The following FGF14 variants were observed in gnomAD, a reference collection of about 807,000 sequenced individuals.
FGF14 encodes fibroblast growth factor 14.
FGF14 carries 5 observed loss-of-function variants against 25.5 expected under a neutral mutation model. The observed-to-expected ratio is 0.20, with a 90% CI of 0.10 to 0.41. The LOEUF (loss-of-function observed/expected upper bound fraction) is 0.41, where lower values mean the gene tolerates loss of function less well. FGF14 is among the 10% of genes least tolerant of loss of function. The pLI is 1.00. For missense variants in FGF14, 222 were observed against 320.1 expected, an observed-to-expected ratio of 0.69 and a Z score of 2.34; for synonymous variants, 138 against 118.3, an observed-to-expected ratio of 1.17 and a Z score of -1.08.
At chr13:101,826,020 T>C (rs572838517) in intron 3 of FGF14, among the ~76,000 whole-genome samples, 1 of 152,252 alleles carries the variant, frequency 6.6e-6, no homozygotes, top group South Asian at 2.1e-4. Flanking sequence ...GTAAGACACA[T>C]CCTGTTTACC....
chr13:101,946,935 GA>G (rs1336498254), intron 1 of FGF14, among the ~76,000 whole-genome samples: 1 of 152,152 alleles, frequency 6.6e-6, no homozygotes, highest in Non-Finnish European at 1.5e-5. Context: ...TTTATATCTA[GA>G]GGAAGAACTC....
At chr13:102,006,256 CA>C (rs1003125041) in intron 1 of FGF14, among the ~76,000 whole-genome samples, 1 of 152,062 alleles carries the variant, frequency 6.6e-6, no homozygotes, top group Non-Finnish European at 1.5e-5. Flanking sequence ...AAAATTGTTA[CA>C]AAAAACTTAT....
intron 1 of FGF14, among the ~76,000 whole-genome samples, chr13:102,143,070 T>C (rs1217276773): frequency 6.6e-6 from 1 of 152,190 alleles, no homozygotes; most frequent in Non-Finnish European, 1.5e-5. Context: ...TTTATCCCCA[T>C]ACATGGCTGA....
chr13:102,136,658 TG>T (rs11478616), intron 1 of FGF14, among the ~76,000 whole-genome samples: 7,537 of 133,754 alleles, frequency 0.056, 477 homozygotes, highest in African/African-American at 0.16. Flanking sequence ...ATAAATTCTA[TG>T]GGAAAAAAAA....
intron 3 of FGF14, among the ~76,000 whole-genome samples, chr13:101,852,268 C>T (rs1353963843): frequency 6.6e-6 from 1 of 151,970 alleles, no homozygotes; most frequent in Non-Finnish European, 1.5e-5. Context: ...CTATGTACTT[C>T]AACTTTATTC....
chr13:102,267,123 A>C (rs2141142233), intron 1 of FGF14, among the ~76,000 whole-genome samples: 1 of 152,288 alleles, frequency 6.6e-6, no homozygotes. Flanking sequence ...AAGACAAAAG[A>C]TAAACTTTCT....
chr13:101,800,841 G>T (rs1453812086), intron 3 of FGF14, among the ~76,000 whole-genome samples: 2 of 152,146 alleles, frequency 1.3e-5, no homozygotes. Context: ...TAAAAAGTGT[G>T]CAGCTGTGCT....
intron 1 of FGF14, among the ~76,000 whole-genome samples, chr13:102,237,115 G>A (rs938390267): frequency 5.9e-5 from 9 of 152,170 alleles, no homozygotes; most frequent in African/African-American, 2.2e-4. Flanking sequence ...CATCTTCTCT[G>A]TTGTTTGCTC....
chr13:102,340,543 C>T (rs9557854), intron 1 of FGF14, among the ~76,000 whole-genome samples: 27,983 of 151,906 alleles, frequency 0.18, 2,714 homozygotes, highest in Non-Finnish European at 0.22. Context: ...TGATACATCC[C>T]AAAATATCTT....
At chr13:102,002,120 C>G (rs969004039) in intron 1 of FGF14, 3 of 152,180 alleles carry the variant, frequency 2.0e-5, no homozygotes, top group African/African-American at 7.2e-5. Context: ...ATAAAACATG[C>G]CTGGGACCCT....
At chr13:102,090,885 GTAGTC>G (rs1437343902) in intron 1 of FGF14, among the ~76,000 whole-genome samples, 1 of 152,238 alleles carries the variant, frequency 6.6e-6, no homozygotes, top group East Asian at 1.9e-4. Flanking sequence ...CTAGGAGCCA[GTAGTC>G]TAAAGTCTAA....
intron 1 of FGF14, among the ~76,000 whole-genome samples, chr13:101,975,390 C>A (rs2037860362): frequency 1.3e-5 from 2 of 152,122 alleles, no homozygotes; most frequent in East Asian, 1.9e-4. Flanking sequence ...ACCATGAACA[C>A]CACCTTCTCC....
intron 1 of FGF14, among the ~76,000 whole-genome samples, chr13:102,193,153 T>C (rs976378441): frequency 1.3e-5 from 2 of 152,132 alleles, no homozygotes; most frequent in Non-Finnish European, 2.9e-5. Context: ...CAACAGAAAC[T>C]TATTTTCTCA....
intron 1 of FGF14, among the ~76,000 whole-genome samples, chr13:101,923,017 T>C (rs1204003257): frequency 6.6e-6 from 1 of 152,098 alleles, no homozygotes; most frequent in Admixed American, 6.5e-5. Context: ...TAAGAAGCTG[T>C]TAATTTTAAG....
intron 1 of FGF14, among the ~76,000 whole-genome samples, chr13:101,968,137 C>T (rs574251394): frequency 6.6e-6 from 1 of 152,114 alleles, no homozygotes; most frequent in South Asian, 2.1e-4. Flanking sequence ...ACCTCTGTTA[C>T]TCAAATGAGT....
intron 1 of FGF14, among the ~76,000 whole-genome samples, chr13:101,939,962 G>C (rs139920986): frequency 6.6e-6 from 1 of 152,272 alleles, no homozygotes; most frequent in East Asian, 1.9e-4. Context: ...TTTTGCAGAC[G>C]GATATATTAC....
intron 1 of FGF14, among the ~76,000 whole-genome samples, chr13:102,184,935 T>C (rs2048820569): frequency 6.6e-6 from 1 of 152,182 alleles, no homozygotes; most frequent in Non-Finnish European, 1.5e-5. Context: ...AAGTATTCAA[T>C]ATTAGGTACA....
intron 1 of FGF14, among the ~76,000 whole-genome samples, chr13:102,161,645 A>AGACGAAGACGAAGACGAAGACGAAGAC (rs1566765100): frequency 4.1e-4 from 5 of 12,192 alleles, no homozygotes; most frequent in Non-Finnish European, 7.0e-4. Context: ...AAGAAGAAGA[A>AGACGAAGACGAAGACGAAGACGAAGAC]GAAGAAGAAG....
intron 1 of FGF14, among the ~76,000 whole-genome samples, chr13:102,333,920 T>C (rs2056712415): frequency 6.6e-6 from 1 of 152,098 alleles, no homozygotes; most frequent in Non-Finnish European, 1.5e-5. Flanking sequence ...GAGCCATTGA[T>C]TTATTTTCAC....
Sources: allele counts gnomAD v4.1 joint callset (sites outside exome capture counted in the v4.1 genomes callset), GRCh38; gene constraint gnomAD v4.1.1; transcripts MANE v1.5; gene names NCBI Gene and HGNC (gene_info 2026-07-23, HGNC 2026-07-21).